SENP6: variants seen among roughly 807,000 people sequenced by gnomAD.
SENP6 encodes sentrin-specific protease 6.
In SENP6, 41 loss-of-function variants were observed where a neutral mutation model predicts 134.5. That is an observed-to-expected ratio of 0.30 (90% CI 0.24 to 0.40). SENP6 has a LOEUF of 0.40. Among genes scored for constraint, SENP6 ranks in the 10% least tolerant of loss-of-function variants. SENP6 has a pLI of 1.00. For missense variants in SENP6, 1,248 were observed against 1,312.5 expected (o/e 0.95, Z 0.76); for synonymous variants, 395 against 429.8 (o/e 0.92, Z 1.00).
At position 75,602,484 on chromosome 6, in the gene SENP6, T is replaced by C; in HGVS notation, c.-41T>C. On this transcript the variant is annotated 5_prime_UTR_variant, in exon 1 of 24. Transcript: ENST00000447266. Reference sequence around the variant, plus strand: ...CATCCCGGCGAGCACGGCGGCGGTGTGGGCCATGGATTAAGAAGGAGGCGG... The same window carrying C: ...CATCCCGGCGAGCACGGCGGCGGTGCGGGCCATGGATTAAGAAGGAGGCGG... The C allele has an allele frequency of 6.5e-7, 1 of 1,549,464 alleles. No individual in the cohort carries two copies. The highest frequency in any genetic ancestry group is 8.7e-7 in the Non-Finnish European group (1 of 1,146,292).
At chr6:75,660,628 T>G (rs999575365) in intron 8 of SENP6, among the ~76,000 whole-genome samples, 3 of 152,080 alleles carry the variant, frequency 2.0e-5, no homozygotes, top group African/African-American at 7.2e-5. Context: ...TAACTTATCT[T>G]GTATTTCTTT....
chr6:75,712,876 G>A (rs1383660506), intron 21 of SENP6, among the ~76,000 whole-genome samples: 1 of 152,048 alleles, frequency 6.6e-6, no homozygotes, highest in African/African-American at 2.4e-5. Flanking sequence ...AGGCTGAGGT[G>A]GGCAGATAGC....
At chr6:75,615,056 C>G (rs1767750483) in intron 1 of SENP6, among the ~76,000 whole-genome samples, 1 of 152,012 alleles carries the variant, frequency 6.6e-6, no homozygotes, top group Non-Finnish European at 1.5e-5. Context: ...ACACCCAGCT[C>G]ATTTTTGTAT....
At chr6:75,674,976 A>G (rs1027612597) in intron 11 of SENP6, among the ~76,000 whole-genome samples, 2 of 152,200 alleles carry the variant, frequency 1.3e-5, no homozygotes, top group Admixed American at 6.5e-5. Flanking sequence ...CTTCTGTAAA[A>G]TAATTAATTC....
intron 16 of SENP6, among the ~76,000 whole-genome samples, chr6:75,694,866 T>G (rs1254328122): frequency 6.6e-6 from 1 of 152,094 alleles, no homozygotes; most frequent in Non-Finnish European, 1.5e-5. Context: ...GCCCTTGGTT[T>G]TTTTTAATTT....
chr6:75,703,267 G>A (rs1775165557), intron 19 of SENP6, among the ~76,000 whole-genome samples, 195 bp downstream of exon 19: 1 of 151,808 alleles, frequency 6.6e-6, no homozygotes, highest in African/African-American at 2.4e-5. Context: ...ACCAGCGTGG[G>A]CAACATAGCG....
intron 23 of SENP6, 71 bp from the exon 24 acceptor site, chr6:75,715,314 G>T: frequency 8.6e-7 from 1 of 1,169,256 alleles, no homozygotes; most frequent in East Asian, 2.3e-5. Flanking sequence ...TTTAACTTCG[G>T]AATGTTTCTG....
intron 13 of SENP6, among the ~76,000 whole-genome samples, chr6:75,676,392 A>G (rs1194643466): frequency 6.6e-6 from 1 of 152,150 alleles, no homozygotes. Flanking sequence ...AATCAGCCAT[A>G]TAAATCTGGA....
chr6:75,717,159 T>A lies in SENP6; in HGVS notation c.*1565T>A, dbSNP rs1270350258. On this transcript the variant is annotated 3_prime_UTR_variant, in exon 24 of 24. Coordinates refer to ENST00000447266, the MANE Select transcript of SENP6 (RefSeq NM_015571.4). The stretch of plus-strand genomic sequence containing the variant: ...AGCTCATATGAAAAACAAGTTTAAT[T>A]TTATTATTTACTGAACATGGCAAAA... 1.3e-5 allele frequency: 2 copies of A among 152,052 alleles called. No homozygotes were observed. The highest frequency in any genetic ancestry group is 2.9e-5 in the Non-Finnish European group (2 of 67,888). 9.4% of individuals were successfully genotyped at this position (152,052 alleles called of 1,614,324 possible).
intron 21 of SENP6, among the ~76,000 whole-genome samples, chr6:75,712,940 CA>C (rs1237631465): frequency 3.3e-5 from 5 of 150,392 alleles, no homozygotes; most frequent in Admixed American, 6.6e-5. Context: ...CCCATCTCTA[CA>C]AAAAAAAATA....
At position 75,702,645 on chromosome 6, in the gene SENP6, T is replaced by C. The variant is rs758889829; in HGVS notation, c.2289T>C (p.Ala763=). 4.4e-5 allele frequency: 69 copies of C among 1,580,690 alleles called. No homozygotes were observed. Among genetic ancestry groups the C allele is most frequent in the Non-Finnish European group, 5.8e-5 (67 of 1,163,670 alleles). Residue 763 remains alanine (A), a splice_region_variant and synonymous_variant, in exon 19 of 24, where the codon GCT becomes GCC. Coordinates refer to ENST00000447266, the MANE Select transcript of SENP6 (RefSeq NM_015571.4). ...KDFIFVPLNE[A]AHWFLAVVCF... is the part of the protein sequence containing the mutation. Reference sequence around the variant, plus strand: ...TAGTCATTTCATTTGTTTTTTACAGTGCACACTGGTTTTTGGCTGTTGTTT... The same window carrying C: ...TAGTCATTTCATTTGTTTTTTACAGCGCACACTGGTTTTTGGCTGTTGTTT...
chr6:75,664,260 TAA>T (rs201451056), intron 9 of SENP6, among the ~76,000 whole-genome samples: 2 of 140,440 alleles, frequency 1.4e-5, no homozygotes, highest in Non-Finnish European at 1.6e-5. Flanking sequence ...ACCCTGTTGC[TAA>T]AAAAAAAAAA....
intron 16 of SENP6, among the ~76,000 whole-genome samples, chr6:75,691,107 T>A (rs912674449): frequency 2.8e-4 from 43 of 151,254 alleles, no homozygotes; most frequent in Non-Finnish European, 2.2e-4. Context: ...GCCTCCAAAG[T>A]GCTGGAATTA....
intron 8 of SENP6, among the ~76,000 whole-genome samples, chr6:75,661,622 TTAC>T (rs1771780210): frequency 6.6e-6 from 1 of 152,252 alleles, no homozygotes; most frequent in African/African-American, 2.4e-5. Flanking sequence ...CCAATTGTTC[TTAC>T]TTTCTTCTTA....
At chr6:75,624,284 T>A (rs1401171120) in intron 3 of SENP6, among the ~76,000 whole-genome samples, 1 of 152,228 alleles carries the variant, frequency 6.6e-6, no homozygotes, top group Non-Finnish European at 1.5e-5. Context: ...GAGTGCATAG[T>A]ATTCCATTGT....
chr6:75,603,206 A>G lies in SENP6; in HGVS notation c.52+630A>G, dbSNP rs1766770245. The stretch of plus-strand genomic sequence containing the variant: ...GCCGTAACTAAAGCTTATTGACACA[A>G]TTTGAGTTTTACTCACTCGTGAGGG... On this transcript the variant is annotated intron_variant, in intron 1 of 23. Transcript: ENST00000447266. Among the ~76,000 whole-genome samples the G allele has an allele frequency of 2.0e-5, 3 of 152,336 alleles. No individual in the cohort carries two copies. The East Asian group carries it at 5.8e-4, about 29-fold the overall frequency.
chr6:75,714,547 CAT>C (rs1173653394), intron 23 of SENP6, among the ~76,000 whole-genome samples: 2 of 152,164 alleles, frequency 1.3e-5, no homozygotes, highest in African/African-American at 4.8e-5. Context: ...TTCCCAAAAA[CAT>C]AAATCTAATC....
intron 1 of SENP6, among the ~76,000 whole-genome samples, chr6:75,618,939 T>A (rs1332304820): frequency 6.7e-6 from 1 of 148,170 alleles, no homozygotes; most frequent in Non-Finnish European, 1.5e-5. Context: ...TTTCTGAAAC[T>A]TTTTTTTTTT....
chr6:75,682,201 A>G (rs1339101644), intron 16 of SENP6, among the ~76,000 whole-genome samples: 1 of 152,176 alleles, frequency 6.6e-6, no homozygotes, highest in Admixed American at 6.5e-5. Context: ...AATCCTATGT[A>G]CTAAACAACA....
Sources: gnomAD v4.1 joint callset for allele counts (sites outside exome capture counted in the v4.1 genomes callset) on GRCh38, gnomAD v4.1.1 for gene constraint, MANE v1.5 for transcripts, NCBI Gene and HGNC (gene_info 2026-07-23, HGNC 2026-07-21) for gene names.